ARGLU1: variants seen among roughly 807,000 people sequenced by gnomAD.
The protein encoded by ARGLU1 is arginine and glutamate rich 1.
In ARGLU1, 9 loss-of-function variants were observed where a neutral mutation model predicts 37.6. The ratio of observed to expected loss-of-function variants is 0.24; its 90% CI spans 0.14 to 0.42. The LOEUF (loss-of-function observed/expected upper bound fraction) is 0.42, where lower values mean the gene tolerates loss of function less well. Ranked by LOEUF, ARGLU1 falls within the 10% of genes least tolerant of loss-of-function variation. The pLI, the probability that ARGLU1 is intolerant of heterozygous loss-of-function variation, is 1.00. For synonymous variants in ARGLU1, 166 were observed against 138.5 expected (o/e 1.20, Z -1.39); for missense variants, 211 against 359.2 (o/e 0.59, Z 3.34).
chr13:106,555,056 A>G (rs778868365), intron 3 of ARGLU1, among the ~76,000 whole-genome samples: 1 of 151,910 alleles, frequency 6.6e-6, no homozygotes, highest in Non-Finnish European at 1.5e-5. Flanking sequence ...CAAGCATGCC[A>G]TCAGAATAGT....
In ARGLU1 at chr13:106,543,295, A is replaced by G. The variant is rs1235192527; in HGVS notation, c.*701T>C. The G allele has an allele frequency of 6.6e-6, 1 of 152,556 alleles. No homozygotes were observed. Among genetic ancestry groups the G allele is most frequent in the Non-Finnish European group, 1.5e-5 (1 of 67,952 alleles). The allele number at this position is 152,556 out of a possible 1,614,324, so 9.5% of individuals were successfully genotyped here. ...AAGTGAACCACCCTCTTTAAGACTT[A>G]ACATAACATTAAAAAAAATTGCTTC... is the stretch of plus-strand genomic sequence containing the variant. On this transcript the variant is annotated 3_prime_UTR_variant, in exon 4 of 4. Transcript: ENST00000400198.
chr13:106,549,746 A>G (rs971250409), intron 3 of ARGLU1, among the ~76,000 whole-genome samples: 2 of 152,194 alleles, frequency 1.3e-5, no homozygotes, highest in African/African-American at 4.8e-5. Flanking sequence ...ATAATCTTAA[A>G]TCATTTTTGA....
chr13:106,554,481 G>T (rs986883490), intron 3 of ARGLU1, among the ~76,000 whole-genome samples: 1 of 152,106 alleles, frequency 6.6e-6, no homozygotes, highest in Non-Finnish European at 1.5e-5. Context: ...CAATAAAAGT[G>T]GAAGTGGGCC....
At chr13:106,554,367 G>A (rs1278402725) in intron 3 of ARGLU1, among the ~76,000 whole-genome samples, 2 of 152,078 alleles carry the variant, frequency 1.3e-5, no homozygotes, top group Non-Finnish European at 2.9e-5. Flanking sequence ...ATGGTATCAA[G>A]TACTTTTAAT....
intron 3 of ARGLU1, among the ~76,000 whole-genome samples, chr13:106,551,284 G>C (rs1228512978): frequency 2.0e-5 from 3 of 152,116 alleles, no homozygotes; most frequent in Non-Finnish European, 2.9e-5. Flanking sequence ...GAAGAAACCA[G>C]GCTGCAACTT....
intron 3 of ARGLU1, among the ~76,000 whole-genome samples, chr13:106,552,196 CTGAGA>C (rs1222077315): frequency 6.6e-6 from 1 of 152,184 alleles, no homozygotes; most frequent in Non-Finnish European, 1.5e-5. Context: ...TCTCAAACTG[CTGAGA>C]TAACAAACTG....
chr13:106,556,170 T>G (rs146608247), intron 3 of ARGLU1, among the ~76,000 whole-genome samples: 4 of 152,372 alleles, frequency 2.6e-5, no homozygotes, highest in African/African-American at 9.6e-5. Context: ...TTCCTATTGC[T>G]TTTTCTGCCT....
chr13:106,566,498 A>AAC (rs1471030406), intron 1 of ARGLU1, among the ~76,000 whole-genome samples: 4 of 152,220 alleles, frequency 2.6e-5, no homozygotes, highest in Non-Finnish European at 5.9e-5. Context: ...CGGCTGGTTC[A>AAC]ATAGGGAGTT....
intron 3 of ARGLU1, 71 bp from the exon 4 acceptor site, chr13:106,544,231 G>A: frequency 7.4e-7 from 1 of 1,360,046 alleles, no homozygotes; most frequent in East Asian, 2.7e-5. Context: ...TGCAACAGGT[G>A]TTATCTATTA....
intron 1 of ARGLU1, among the ~76,000 whole-genome samples, chr13:106,566,129 T>C (rs988635234): frequency 1.3e-5 from 2 of 152,238 alleles, no homozygotes; most frequent in African/African-American, 4.8e-5. Context: ...TTCTACAAAA[T>C]CAAGGTTTAA....
At chr13:106,553,312 C>T (rs1375070546) in intron 3 of ARGLU1, among the ~76,000 whole-genome samples, 4 of 152,112 alleles carry the variant, frequency 2.6e-5, no homozygotes, top group Non-Finnish European at 5.9e-5. Context: ...TTTTGTATTT[C>T]CCCTGAATTA....
In ARGLU1 at chr13:106,568,137, C is replaced by A. The variant is rs752882738; in HGVS notation, c.-218G>T. On this transcript the variant is annotated 5_prime_UTR_variant, in exon 1 of 4. Coordinates refer to ENST00000400198, the MANE Select transcript of ARGLU1 (RefSeq NM_018011.4). ...CCAGGCGCCCCTAAGATGGCAGCTG[C>A]GGCTGCACCGGCCGCCCTTCCCACA... The A allele has an allele frequency of 6.2e-6, 4 of 643,072 alleles. No individual in the cohort carries two copies. The highest frequency in any genetic ancestry group is 9.8e-6 in the Non-Finnish European group (4 of 407,122). The allele number at this position is 643,072 out of a possible 1,614,324, so 39.8% of individuals were successfully genotyped here.
intron 1 of ARGLU1, among the ~76,000 whole-genome samples, chr13:106,562,981 A>G (rs1880853388): frequency 9.1e-6 from 1 of 109,918 alleles, no homozygotes; most frequent in South Asian, 3.6e-4. Flanking sequence ...ACAGAGCAAG[A>G]CCCTGTCTCA....
chr13:106,554,644 TG>T (rs2138969617), intron 3 of ARGLU1, among the ~76,000 whole-genome samples: 1 of 152,256 alleles, frequency 6.6e-6, no homozygotes, highest in African/African-American at 2.4e-5. Flanking sequence ...CCCAGCACTT[TG>T]GGAGGACGGT....
chr13:106,547,095 C>T (rs573019506), intron 3 of ARGLU1, among the ~76,000 whole-genome samples: 5 of 152,254 alleles, frequency 3.3e-5, no homozygotes, highest in Admixed American at 1.3e-4. Context: ...TTCTCTCTCT[C>T]TAGGGCCCTC....
chr13:106,544,180 A>G lies in ARGLU1; in HGVS notation c.658-20T>C. ...TTCGGCCTGAAAGTTAAAAGTAAAA[A>G]TTAATTATAGAAATGTATTAAAAAT... is the stretch of plus-strand genomic sequence containing the variant. On this transcript the variant is annotated intron_variant, in intron 3 of 3. Coordinates refer to ENST00000400198, the MANE Select transcript of ARGLU1 (RefSeq NM_018011.4). 2 of 1,527,488 alleles carry G rather than the reference A, an allele frequency of 1.3e-6. No homozygotes were observed. The highest frequency in any genetic ancestry group is 2.6e-5 in the South Asian group (2 of 77,160). The allele number at this position is 1,527,488 out of a possible 1,614,324, so 94.6% of individuals were successfully genotyped here.
At chr13:106,552,803 A>C (rs1254061458) in intron 3 of ARGLU1, among the ~76,000 whole-genome samples, 1 of 152,236 alleles carries the variant, frequency 6.6e-6, no homozygotes, top group Non-Finnish European at 1.5e-5. Flanking sequence ...CAATCTGCCA[A>C]AAAGCCAAGT....
chr13:106,566,566 C>T (rs1566476745), intron 1 of ARGLU1, among the ~76,000 whole-genome samples: 1 of 152,162 alleles, frequency 6.6e-6, no homozygotes, highest in Non-Finnish European at 1.5e-5. Context: ...ATACCCAGAG[C>T]ATCAAAGTAC....
Position 106,543,848 on chromosome 13 carries a change from T to G in ARGLU1, c.*148A>C. The stretch of plus-strand genomic sequence containing the variant: ...AGGAAAAAAAAAAAAAAAAAGGGAA[T>G]TGCAGAGCATAGCCCCTATTAGAAC... On this transcript the variant is annotated 3_prime_UTR_variant, in exon 4 of 4. Transcript: ENST00000400198. 1 of 605,978 alleles carries G rather than the reference T, an allele frequency of 1.7e-6. No homozygotes were observed. Among genetic ancestry groups the G allele is most frequent in the Non-Finnish European group, 2.6e-6 (1 of 380,000 alleles). The allele number at this position is 605,978 out of a possible 1,614,324, so 37.5% of individuals were successfully genotyped here.
Sources: allele counts gnomAD v4.1 joint callset (sites outside exome capture counted in the v4.1 genomes callset), GRCh38; gene constraint gnomAD v4.1.1; transcripts MANE v1.5; gene names NCBI Gene and HGNC (gene_info 2026-07-23, HGNC 2026-07-21).